VPS18: variants seen among roughly 807,000 people sequenced by gnomAD.
VPS18 encodes the protein VPS18 core subunit of CORVET and HOPS complexes, also known as vacuolar protein sorting-associated protein 18 homolog.
In VPS18, 25 loss-of-function variants were observed where a neutral mutation model predicts 82.0. The ratio of observed to expected loss-of-function variants is 0.30; its 90% CI spans 0.22 to 0.43. The LOEUF is 0.43. VPS18 is among the 20% of genes least tolerant of loss of function. The probability of loss-of-function intolerance (pLI) is 1.00; values close to 1 mark genes in which losing one functional copy is unlikely to be tolerated. For missense variants in VPS18, 1,168 were observed against 1,311.1 expected, an observed-to-expected ratio of 0.89 and a Z score of 1.69; for synonymous variants, 523 against 543.0, an observed-to-expected ratio of 0.96 and a Z score of 0.51.
rs1892194159 is a variant in VPS18 at position 40,894,540 on chromosome 15, G to A, written c.-229G>A. The A allele has an allele frequency of 2.1e-6, 1 of 470,190 alleles. No individual in the cohort carries two copies. Among genetic ancestry groups the A allele is most frequent in the Non-Finnish European group, 3.8e-6 (1 of 264,616 alleles). The allele number at this position is 470,190 out of a possible 1,614,324, so 29.1% of individuals were successfully genotyped here. ...TTTTGTAGCGGGGGCGGGGAGTAAG[G>A]TGCAAGACTGCGCCAGATTCAAGGA... On this transcript the variant is annotated 5_prime_UTR_variant, in exon 1 of 5. The change creates a new upstream start codon in the 5' untranslated region. Transcript: ENST00000220509.
Position 40,899,144 on chromosome 15 carries a change from G to C in VPS18, c.326G>C (p.Gly109Ala), listed in dbSNP as rs757334884. ...GGGCGCCATGCTCTCCCCACTCCAG[G>C]CTCTCACCTGCTGATTGCCCTGAGC... ...KVHKMFLDHT[G>A]SHLLIALSST... The change falls in exon 4 of 5, where the codon GGC becomes GCC. Residue 109 changes from glycine to alanine, a missense_variant and splice_region_variant. Coordinates refer to ENST00000220509, the MANE Select transcript of VPS18 (RefSeq NM_020857.3). This position sits in a 1 kb window ranked among gnomAD's most constrained non-coding sequence, Gnocchi z 4.4. The C allele has an allele frequency of 6.2e-7, 1 of 1,611,134 alleles. No homozygotes were observed.
rs1054917275 is a variant in VPS18 at position 40,903,002 on chromosome 15, C to T, written c.2583C>T (p.Leu861=). 10 of 1,614,156 alleles carry T rather than the reference C, an allele frequency of 6.2e-6. No individual in the cohort carries two copies. Among genetic ancestry groups the T allele is most frequent in the South Asian group, 1.1e-5 (1 of 91,084 alleles). ...DKCATCDFPL[L]NRPFYLFLCG... ...GTGCCACCTGCGACTTCCCCCTGCT[C>T]AACCGCCCTTTTTACCTCTTCCTCT... is the stretch of plus-strand genomic sequence containing the variant. The change falls in exon 5 of 5, where the codon CTC becomes CTT. Residue 861 remains leucine, a synonymous_variant. Transcript: ENST00000220509.
Position 40,895,945 on chromosome 15 carries a change from G to T in VPS18, c.99G>T (p.Val33=). ...GTCATTCCTTACCTGTAGGGTATGTGAATGCCCAGCTGGAGAAGGAAGTGC... is the reference window on the plus strand; with the variant it reads ...GTCATTCCTTACCTGTAGGGTATGTTAATGCCCAGCTGGAGAAGGAAGTGC... ...PSVGIPHSGY[V]NAQLEKEVPI... Residue 33 remains valine (V), a synonymous_variant, in exon 2 of 5, where the codon GTG becomes GTT. Transcript: ENST00000220509. 6.2e-7 allele frequency: 1 copy of T among 1,614,182 alleles called. No homozygotes were observed. The highest frequency in any genetic ancestry group is 8.5e-7 in the Non-Finnish European group (1 of 1,180,028).
rs191541888 is a variant in VPS18 at position 40,900,836 on chromosome 15, G to A, written c.2018G>A (p.Arg673His). The A allele has an allele frequency of 1.4e-5, 22 of 1,614,174 alleles. No individual in the cohort carries two copies. The highest frequency in any genetic ancestry group is 6.7e-5 in the African/African-American group (5 of 75,054). The change falls in exon 4 of 5, where the codon CGT becomes CAT. Residue 673 changes from arginine (R) to histidine (H), a missense_variant. Around this residue, in one of 3 missense-constraint regions of VPS18, gnomAD observed 868 missense variants for 939.8 expected, o/e 0.92. Coordinates refer to ENST00000220509, the MANE Select transcript of VPS18 (RefSeq NM_020857.3). The surrounding 1 kb of genome is among the most constrained non-coding windows in gnomAD (Gnocchi z 5.4). ...AACTACCTGCTGTCACTGTATGCCC[G>A]TGGCCGGCCGGACTCACTACTGGCC... ...IHNYLLSLYA[R>H]GRPDSLLAYL... is the part of the protein sequence containing the mutation.
In VPS18 at chr15:40,900,436, C is replaced by T. The variant is rs779544345; in HGVS notation, c.1618C>T (p.Arg540Trp). 1.1e-5 allele frequency: 17 copies of T among 1,613,922 alleles called. No individual in the cohort carries two copies. The Admixed American group carries it at 1.2e-4, about 11-fold the overall frequency. The change falls in exon 4 of 5, where the codon CGG (arginine) becomes TGG (tryptophan). Residue 540 changes from arginine to tryptophan, a missense_variant. Coordinates refer to ENST00000220509, the MANE Select transcript of VPS18 (RefSeq NM_020857.3). This position sits in a 1 kb window ranked among gnomAD's most constrained non-coding sequence, Gnocchi z 5.4. ...PRHKEWLFASRASIHELLASH... is the reference protein window; with the variant it reads ...PRHKEWLFASWASIHELLASH... ...CCACAAAGAGTGGCTCTTTGCCAGC[C>T]GGGCCTCTATCCATGAGCTGCTCGC... is the stretch of plus-strand genomic sequence containing the variant.
intron 2 of VPS18, among the ~76,000 whole-genome samples, chr15:40,896,286 C>T (rs1450971043): frequency 6.6e-6 from 1 of 152,186 alleles, no homozygotes; most frequent in Admixed American, 6.5e-5. Flanking sequence ...CACCTATCAT[C>T]TCAGCACTTC....
Position 40,900,032 on chromosome 15 carries a change from T to G in VPS18, c.1214T>G (p.Met405Arg), listed in dbSNP as rs558732902. ...ARDVWRTYLD[M>R]NRFDLAKEYC... is the part of the protein sequence containing the mutation. Reference sequence around the variant, plus strand: ...GATGTCTGGCGCACCTATCTGGACATGAACCGCTTCGATCTGGCCAAAGAG... The same window carrying G: ...GATGTCTGGCGCACCTATCTGGACAGGAACCGCTTCGATCTGGCCAAAGAG... Residue 405 changes from methionine (M) to arginine (R), a missense_variant, in exon 4 of 5, where the codon ATG (methionine) becomes AGG (arginine). Met to Arg is a moderately conservative substitution (Grantham distance 91, BLOSUM62 -1). Transcript: ENST00000220509. This position sits in a 1 kb window ranked among gnomAD's most constrained non-coding sequence, Gnocchi z 5.4. 3.7e-6 allele frequency: 6 copies of G among 1,613,854 alleles called. No individual in the cohort carries two copies. The African/African-American group carries it at 8.0e-5, about 22-fold the overall frequency.
In VPS18 at chr15:40,900,737, A is replaced by G. The variant is rs1040249275; in HGVS notation, c.1919A>G (p.Gln640Arg). 1.9e-6 allele frequency: 3 copies of G among 1,614,204 alleles called. No individual in the cohort carries two copies. The highest frequency in any genetic ancestry group is 1.6e-4 in the Middle Eastern group (1 of 6,062). Residue 640 changes from glutamine (Q) to arginine (R), a missense_variant, in exon 4 of 5, where the codon CAG (glutamine) becomes CGG (arginine). Coordinates refer to ENST00000220509, the MANE Select transcript of VPS18 (RefSeq NM_020857.3). This position sits in a 1 kb window ranked among gnomAD's most constrained non-coding sequence, Gnocchi z 5.4. Reference sequence around the variant, plus strand: ...AACTACAGCCAGGGTGGTGAGGTCCAGCAGGTGAGCCAGGCCATCCGCTAC... The same window carrying G: ...AACTACAGCCAGGGTGGTGAGGTCCGGCAGGTGAGCCAGGCCATCCGCTAC... ...LVNYSQGGEVQQVSQAIRYME... is the reference protein window; with the variant it reads ...LVNYSQGGEVRQVSQAIRYME...
rs774776631 is a variant in VPS18 at position 40,898,946 on chromosome 15, G to T, written c.273G>T (p.Glu91Asp). The T allele has an allele frequency of 9.3e-6, 15 of 1,614,058 alleles. No homozygotes were observed. Among genetic ancestry groups the T allele is most frequent in the Non-Finnish European group, 1.0e-5 (12 of 1,180,052 alleles). ...AGGCAAATGAGCCCAACCACGTGGA[G>T]CTGGGACGTAAGGATGACGCAAAAG... Reference protein sequence around the residue: ...LGKANEPNHVELGRKDDAKVH... With the variant: ...LGKANEPNHVDLGRKDDAKVH... Residue 91 changes from glutamate to aspartate, a missense_variant, in exon 3 of 5, where the codon GAG becomes GAT. Around this residue, in one of 3 missense-constraint regions of VPS18, gnomAD observed 868 missense variants for 939.8 expected, o/e 0.92. Transcript: ENST00000220509.
At position 40,902,826 on chromosome 15, in the gene VPS18, G is replaced by A. The variant is rs769691736; in HGVS notation, c.2407G>A (p.Glu803Lys). The change falls in exon 5 of 5, where the codon GAG becomes AAG. Residue 803 changes from glutamate (E) to lysine (K), a missense_variant. By Grantham distance (56) the Glu-to-Lys change is moderately conservative. This residue lies in a region of VPS18 where 296 missense variants were observed against 354.0 expected (regional missense o/e 0.84). Coordinates refer to ENST00000220509, the MANE Select transcript of VPS18 (RefSeq NM_020857.3). This position sits in a 1 kb window ranked among gnomAD's most constrained non-coding sequence, Gnocchi z 4.2. The stretch of plus-strand genomic sequence containing the variant: ...TTTCGTCACCATCGACCACTTCAAG[G>A]AGGCGATCTGCAGCTCACTTAAGGC... ...PDFVTIDHFK[E>K]AICSSLKAYN... 2 of 1,614,248 alleles carry A rather than the reference G, an allele frequency of 1.2e-6. No homozygotes were observed. Among genetic ancestry groups the A allele is most frequent in the Non-Finnish European group, 1.7e-6 (2 of 1,180,042 alleles).
Position 40,894,815 on chromosome 15 carries a change from C to T in VPS18, c.47C>T (p.Ala16Val). ...DEYENSLSRSAVLQPGCPSVG... is the reference protein window; with the variant it reads ...DEYENSLSRSVVLQPGCPSVG... ...TACGAGAACTCGCTGTCCCGCTCGG[C>T]CGTCTTGCAGCCCGGCTGCCCTAGC... The change falls in exon 1 of 5, where the codon GCC (alanine) becomes GTC (valine). Residue 16 changes from alanine (A) to valine (V), a missense_variant. Coordinates refer to ENST00000220509, the MANE Select transcript of VPS18 (RefSeq NM_020857.3). 5.1e-6 allele frequency: 8 copies of T among 1,555,418 alleles called. No individual in the cohort carries two copies. The highest frequency in any genetic ancestry group is 7.0e-6 in the Non-Finnish European group (8 of 1,149,406).
Position 40,903,188 on chromosome 15 carries a change from C to CAGGA in VPS18, c.2770_2771insGGAA (p.Thr924ArgfsTer13). 2 of 1,608,926 alleles carry CAGGA rather than the reference C, an allele frequency of 1.2e-6. No homozygotes were observed. The highest frequency in any genetic ancestry group is 1.7e-6 in the Non-Finnish European group (2 of 1,177,602). ...CCAAGGAGGCCGAGGGTGGGGCTGC[C>CAGGA]ACGGCAGGGCCCAGCCGGGAACAGC... On this transcript the variant is annotated frameshift_variant, in exon 5 of 5. Transcript: ENST00000220509. LOFTEE classifies it high-confidence loss of function.
Position 40,902,041 on chromosome 15 carries a change from T to C in VPS18, c.2197-575T>C, listed in dbSNP as rs1892367225. 6.6e-6 allele frequency among the ~76,000 whole-genome samples: 1 copy of C among 152,122 alleles called. No individual in the cohort carries two copies. The highest frequency in any genetic ancestry group is 2.4e-5 in the African/African-American group (1 of 41,430). Reference sequence around the variant, plus strand: ...GAACTCAGGACTTACTGAATCAGAATGTCTGGGGGCAGGGCTCAAAAATTT... The same window carrying C: ...GAACTCAGGACTTACTGAATCAGAACGTCTGGGGGCAGGGCTCAAAAATTT... On this transcript the variant is annotated intron_variant, in intron 4 of 4. Coordinates refer to ENST00000220509, the MANE Select transcript of VPS18 (RefSeq NM_020857.3). The surrounding 1 kb of genome is among the most constrained non-coding windows in gnomAD (Gnocchi z 4.2).
In VPS18 at chr15:40,903,174, G is replaced by C; in HGVS notation, c.2755G>C (p.Glu919Gln). 6.2e-7 allele frequency: 1 copy of C among 1,607,082 alleles called. No individual in the cohort carries two copies. The highest frequency in any genetic ancestry group is 8.5e-7 in the Non-Finnish European group (1 of 1,176,612). ...AKGSARAKEA[E>Q]GGAATAGPSR... ...GGGCTCTGCCCGGGCCAAGGAGGCC[G>C]AGGGTGGGGCTGCCACGGCAGGGCC... Residue 919 changes from glutamate to glutamine, a missense_variant, in exon 5 of 5, where the codon GAG becomes CAG. Glu to Gln is a conservative substitution (Grantham distance 29). Coordinates refer to ENST00000220509, the MANE Select transcript of VPS18 (RefSeq NM_020857.3).
intron 2 of VPS18, 153 bp from the exon 3 acceptor site, chr15:40,898,754 G>A: frequency 1.2e-6 from 1 of 822,526 alleles, no homozygotes; most frequent in Non-Finnish European, 2.0e-6. Context: ...ATTACAGGCT[G>A]AGCCAGTGCA....
chr15:40,899,680 ATGGGGGATGGTGTGT>A lies in VPS18; in HGVS notation c.865_879del (p.Gly289_Leu293del). The stretch of plus-strand genomic sequence containing the variant: ...CGCACCCCGGGCCTTCGCCTGGATG[ATGGGGGATGGTGTGT>A]TGTATGGGGCATTGGACTGTGGGCG... On this transcript the variant is annotated inframe_deletion, in exon 4 of 5. Transcript: ENST00000220509. The surrounding 1 kb of genome is among the most constrained non-coding windows in gnomAD (Gnocchi z 4.4). 6.2e-7 allele frequency: 1 copy of A among 1,613,840 alleles called. No homozygotes were observed. The highest frequency in any genetic ancestry group is 8.5e-7 in the Non-Finnish European group (1 of 1,180,026).
At position 40,899,659 on chromosome 15, in the gene VPS18, C is replaced by T; in HGVS notation, c.841C>T (p.Pro281Ser). 7 of 1,613,554 alleles carry T rather than the reference C, an allele frequency of 4.3e-6. No homozygotes were observed. The highest frequency in any genetic ancestry group is 5.9e-6 in the Non-Finnish European group (7 of 1,180,044). The stretch of plus-strand genomic sequence containing the variant: ...CTACACCCCCAAGCTGCGCTCCGCA[C>T]CCCGGGCCTTCGCCTGGATGATGGG... ...AFYTPKLRSA[P>S]RAFAWMMGDG... The change falls in exon 4 of 5, where the codon CCC becomes TCC. Residue 281 changes from proline (P) to serine (S), a missense_variant. Around this residue, in one of 3 missense-constraint regions of VPS18, gnomAD observed 868 missense variants for 939.8 expected, o/e 0.92. Transcript: ENST00000220509. The surrounding 1 kb of genome is among the most constrained non-coding windows in gnomAD (Gnocchi z 4.4).
At chr15:40,901,310 A>C (rs896116801) in intron 4 of VPS18, among the ~76,000 whole-genome samples, 8 of 152,214 alleles carry the variant, frequency 5.3e-5, no homozygotes, top group Non-Finnish European at 1.2e-4. Flanking sequence ...TATGAAAAGT[A>C]CGCAGGGCTG....
chr15:40,900,071 G>A lies in VPS18; in HGVS notation c.1253G>A (p.Arg418Gln), dbSNP rs757021660. The A allele has an allele frequency of 5.0e-6, 8 of 1,613,592 alleles. No homozygotes were observed. The highest frequency in any genetic ancestry group is 2.2e-5 in the East Asian group (1 of 44,890). ...FDLAKEYCRE[R>Q]PDCLDTVLAR... ...CTGGCCAAAGAGTATTGTCGAGAGC[G>A]GCCCGACTGCCTGGACACGGTCCTG... Residue 418 changes from arginine to glutamine, a missense_variant, in exon 4 of 5, where the codon CGG becomes CAG. Physicochemically the swap from Arg to Gln is conservative, Grantham distance 43 (BLOSUM62 1). This residue lies in a region of VPS18 where 868 missense variants were observed against 939.8 expected (regional missense o/e 0.92). Coordinates refer to ENST00000220509, the MANE Select transcript of VPS18 (RefSeq NM_020857.3). This position sits in a 1 kb window ranked among gnomAD's most constrained non-coding sequence, Gnocchi z 5.4.
Sources: allele counts gnomAD v4.1 joint callset (sites outside exome capture counted in the v4.1 genomes callset), GRCh38; gene constraint gnomAD v4.1.1; regional missense constraint gnomAD v4.1.1; non-coding constraint Gnocchi (gnomAD v3.1); transcripts MANE v1.5; gene names NCBI Gene and HGNC (gene_info 2026-07-23, HGNC 2026-07-21).